Variants in LAMA2 observed in about 807,000 individuals in gnomAD.
LAMA2 encodes the protein laminin subunit alpha 2.
In LAMA2, 269 loss-of-function variants were observed where a neutral mutation model predicts 364.8. That is an observed-to-expected ratio of 0.74 (90% confidence interval 0.67 to 0.82). The LOEUF is 0.82. Among genes scored for constraint, LAMA2 ranks in the 40% least tolerant of loss-of-function variants. The probability of loss-of-function intolerance (pLI) is 0.00; values close to 1 mark genes in which losing one functional copy is unlikely to be tolerated. For missense variants in LAMA2, 3,807 were observed against 3,873.2 expected, an observed-to-expected ratio of 0.98 and a Z score of 0.45; for synonymous variants, 1,379 against 1,370.6, an observed-to-expected ratio of 1.01 and a Z score of -0.14.
chr6:129,121,701 G>A (rs182539361), intron 4 of LAMA2, among the ~76,000 whole-genome samples: 298 of 152,148 alleles, frequency 2.0e-3, no homozygotes, highest in African/African-American at 6.5e-3. Flanking sequence ...TTATAAACAG[G>A]TTTTCAGAAA....
intron 1 of LAMA2, among the ~76,000 whole-genome samples, chr6:128,923,236 C>T (rs1268269416): frequency 2.7e-5 from 4 of 150,808 alleles, no homozygotes; most frequent in Non-Finnish European, 3.0e-5. Flanking sequence ...TTTTTTCCAA[C>T]TCTGTGAAGA....
chr6:129,508,264 A>G (rs1033887632), intron 62 of LAMA2, among the ~76,000 whole-genome samples: 1 of 152,172 alleles, frequency 6.6e-6, no homozygotes, highest in African/African-American at 2.4e-5. Context: ...CAGTGGGTGT[A>G]TATATTTATG....
intron 7 of LAMA2, among the ~76,000 whole-genome samples, chr6:129,153,806 C>A (rs1469323370): frequency 6.6e-6 from 1 of 152,070 alleles, no homozygotes; most frequent in Admixed American, 6.5e-5. Flanking sequence ...ACATACTTTT[C>A]TTTACCCACA....
At chr6:128,947,148 T>C (rs1262319978) in intron 1 of LAMA2, among the ~76,000 whole-genome samples, 1 of 152,186 alleles carries the variant, frequency 6.6e-6, no homozygotes, top group Non-Finnish European at 1.5e-5. Context: ...TACCAAATGG[T>C]ATGCCAGGGG....
At chr6:129,098,062 A>G in intron 3 of LAMA2, 111 bp from the exon 4 acceptor site, 1 of 1,168,114 alleles carries the variant, frequency 8.6e-7, no homozygotes, top group Non-Finnish European at 1.3e-6. Context: ...TTATAAGATT[A>G]TAGAATAAAA....
intron 3 of LAMA2, among the ~76,000 whole-genome samples, chr6:129,067,668 C>T (rs1344659977): frequency 6.6e-6 from 1 of 152,148 alleles, no homozygotes. Flanking sequence ...GCCTTAAGGA[C>T]CTTTTCCTCA....
intron 41 of LAMA2, among the ~76,000 whole-genome samples, chr6:129,431,236 T>C (rs1781573957): frequency 1.3e-5 from 2 of 151,906 alleles, no homozygotes; most frequent in Non-Finnish European, 1.5e-5. Context: ...CTGTCTCTAC[T>C]AAAAACGCAA....
intron 4 of LAMA2, among the ~76,000 whole-genome samples, chr6:129,135,302 G>A (rs1371904571): frequency 6.6e-6 from 1 of 152,138 alleles, no homozygotes; most frequent in African/African-American, 2.4e-5. Flanking sequence ...CACTAGTGGT[G>A]AGCTTTCGGT....
intron 9 of LAMA2, among the ~76,000 whole-genome samples, chr6:129,167,637 T>C (rs201469349): frequency 6.6e-6 from 1 of 152,170 alleles, no homozygotes; most frequent in African/African-American, 2.4e-5. Context: ...TGCATGTGTC[T>C]TCATAGCAGC....
chr6:129,516,208 G>C lies in LAMA2; in HGVS notation c.9230G>C (p.Gly3077Ala). The part of the protein sequence containing the change: ...GGFPDDLKQF[G>A]LTTSIPFRGC... ...TTTTCAGATGACCTCAAGCAGTTTG[G>C]CCTAACAACCAGTATTCCGTTCCGA... The change falls in exon 65 of 65, where the codon GGC becomes GCC. Residue 3077 changes from glycine to alanine, a missense_variant. Physicochemically the swap from Gly to Ala is moderately conservative, Grantham distance 60 (BLOSUM62 0). Transcript: ENST00000421865. 6.2e-7 allele frequency: 1 copy of C among 1,614,062 alleles called. No homozygotes were observed. The highest frequency in any genetic ancestry group is 1.3e-5 in the African/African-American group (1 of 74,996).
chr6:129,370,056 C>A, intron 34 of LAMA2, 66 bp downstream of exon 34: 1 of 1,313,288 alleles, frequency 7.6e-7, no homozygotes. Context: ...AAAATTACTT[C>A]AAAGTTCTGA....
In LAMA2 at chr6:129,366,246, T is replaced by C. The variant is rs1349013414; in HGVS notation, c.4745T>C (p.Leu1582Pro). ...TGTGGAGATGAGTGCACTGGCCTTC[T>C]TCTCGGTGACTTGGCTCGCCTGGAG... ...VFCGDECTGLLLGDLARLEQM... is the reference protein window; with the variant it reads ...VFCGDECTGLPLGDLARLEQM... Residue 1582 changes from leucine to proline, a missense_variant, in exon 33 of 65, where the codon CTT (leucine) becomes CCT (proline). Leu to Pro is a moderately conservative substitution (Grantham distance 98). This residue lies in a region of LAMA2 where 3,333 missense variants were observed against 3,345.7 expected (regional missense o/e 1.00). Transcript: ENST00000421865. 1.2e-6 allele frequency: 2 copies of C among 1,614,028 alleles called. No homozygotes were observed. The highest frequency in any genetic ancestry group is 1.7e-6 in the Non-Finnish European group (2 of 1,179,970).
chr6:129,277,983 C>G (rs578050343), intron 17 of LAMA2, among the ~76,000 whole-genome samples: 4 of 152,108 alleles, frequency 2.6e-5, no homozygotes, highest in South Asian at 4.1e-4. Context: ...AGGTGGATCA[C>G]TTGAGGTCAG....
chr6:129,052,769 A>G (rs543805770), intron 2 of LAMA2, among the ~76,000 whole-genome samples: 1 of 151,128 alleles, frequency 6.6e-6, no homozygotes, highest in Non-Finnish European at 1.5e-5. Flanking sequence ...TTTTTTTTTT[A>G]AATTATAAAA....
chr6:129,496,813 A>G (rs2114871184), intron 58 of LAMA2, among the ~76,000 whole-genome samples: 1 of 152,332 alleles, frequency 6.6e-6, no homozygotes, highest in Admixed American at 6.5e-5. Flanking sequence ...TCCCACTTTT[A>G]TTCCATGAAT....
intron 22 of LAMA2, among the ~76,000 whole-genome samples, chr6:129,312,318 T>A (rs1774278669): frequency 6.6e-6 from 1 of 152,180 alleles, no homozygotes; most frequent in Non-Finnish European, 1.5e-5. Flanking sequence ...ATATACTAGA[T>A]GTTACTTCTC....
At chr6:128,981,836 C>T (rs1782904340) in intron 1 of LAMA2, among the ~76,000 whole-genome samples, 1 of 152,154 alleles carries the variant, frequency 6.6e-6, no homozygotes, top group Non-Finnish European at 1.5e-5. Context: ...TTACTGCTTT[C>T]AGCAGACATT....
chr6:128,904,605 C>T (rs553153113), intron 1 of LAMA2, among the ~76,000 whole-genome samples: 38 of 152,070 alleles, frequency 2.5e-4, no homozygotes, highest in Admixed American at 8.5e-4. Context: ...CAGGCGAGCG[C>T]CACCATGCCT....
intron 18 of LAMA2, 122 bp from the exon 19 acceptor site, chr6:129,287,725 G>A: frequency 1.2e-6 from 1 of 864,216 alleles, no homozygotes; most frequent in Admixed American, 1.7e-5. Context: ...CGTTGCGTTT[G>A]AGAAAAGGAA....
Sources: allele counts gnomAD v4.1 joint callset (sites outside exome capture counted in the v4.1 genomes callset), GRCh38; gene constraint gnomAD v4.1.1; regional missense constraint gnomAD v4.1.1; transcripts MANE v1.5; gene names NCBI Gene and HGNC (gene_info 2026-07-23, HGNC 2026-07-21).